RBM5: variants seen among roughly 807,000 people sequenced by gnomAD.
The protein encoded by RBM5 is RNA-binding protein 5.
A neutral mutation model predicts 124.6 loss-of-function variants in RBM5; 15 were observed. The observed-to-expected ratio is 0.12, with a 90% CI of 0.08 to 0.19. The LOEUF is 0.19. Ranked by LOEUF, RBM5 falls within the 10% of genes least tolerant of loss-of-function variation. The pLI, the probability that RBM5 is intolerant of heterozygous loss-of-function variation, is 1.00. For missense variants in RBM5, 580 were observed against 1,026.5 expected (o/e 0.57, Z 5.94); for synonymous variants, 337 against 361.2 (o/e 0.93, Z 0.76).
chr3:50,116,097 GTCATC>G, intron 22 of RBM5, 117 bp downstream of exon 22: 1 of 955,810 alleles, frequency 1.0e-6, no homozygotes, highest in Non-Finnish European at 1.6e-6. Flanking sequence ...TCATACCCTT[GTCATC>G]TGACCATTGT....
intron 20 of RBM5, chr3:50,114,471 TC>T (rs1482364872): frequency 1.9e-6 from 1 of 515,886 alleles, no homozygotes; most frequent in Non-Finnish European, 3.4e-6. Flanking sequence ...ATTCCTAAGC[TC>T]AGTTAATTAA....
chr3:50,093,938 A>G, intron 4 of RBM5, 63 bp downstream of exon 4: 1 of 1,531,768 alleles, frequency 6.5e-7, no homozygotes. Flanking sequence ...AGCTTCTACC[A>G]TTATTTTCTC....
intron 8 of RBM5, chr3:50,104,701 A>T (rs908787420): frequency 4.1e-5 from 11 of 265,564 alleles, no homozygotes; most frequent in Non-Finnish European, 7.2e-5. Flanking sequence ...CCTGAGGAAA[A>T]GTATAGATTT....
At chr3:50,107,647 C>G in intron 12 of RBM5, 78 bp downstream of exon 12, 1 of 589,650 alleles carries the variant, frequency 1.7e-6, no homozygotes, top group South Asian at 1.7e-5. Context: ...TCCTGTGGTA[C>G]TCGCAGTATG....
At chr3:50,098,529 G>A (rs1461488092) in intron 4 of RBM5, among the ~76,000 whole-genome samples, 2 of 151,730 alleles carry the variant, frequency 1.3e-5, no homozygotes, top group African/African-American at 4.8e-5. Context: ...TGCAACCTCC[G>A]CCTCCCGGGG....
At chr3:50,105,215 T>C (rs1286843851) in intron 9 of RBM5, 73 bp downstream of exon 9, 2 of 1,283,340 alleles carry the variant, frequency 1.6e-6, no homozygotes, top group African/African-American at 1.5e-5. Flanking sequence ...GAGACCATCC[T>C]GGCTAACACG....
intron 13 of RBM5, 24 bp downstream of exon 13, chr3:50,108,171 A>C (rs768984040): frequency 6.2e-7 from 1 of 1,603,322 alleles, no homozygotes; most frequent in Non-Finnish European, 8.5e-7. Flanking sequence ...AGCAGCATCC[A>C]CCTTATAGTC....
In RBM5 at chr3:50,110,692, G is replaced by A. The variant is rs776921153; in HGVS notation, c.1377G>A (p.Thr459=). The A allele has an allele frequency of 2.7e-5, 43 of 1,612,738 alleles. No homozygotes were observed. In the African/African-American group the frequency reaches 3.1e-4, roughly 12 times the overall value. The change falls in exon 17 of 25, where the codon ACG becomes ACA. Residue 459 remains threonine (T), a synonymous_variant. Transcript: ENST00000347869. ...TTGTTTTTGCAGCAGTACCTGACAC[G>A]TCCACTTACCAGTATGATGAATCTT... ...VPGTKYAVPD[T]STYQYDESSG...
intron 17 of RBM5, 55 bp from the exon 18 acceptor site, chr3:50,113,327 AT>A: frequency 6.5e-7 from 1 of 1,535,172 alleles, no homozygotes. Flanking sequence ...AAAATATGTA[AT>A]CGACTGACAT....
intron 2 of RBM5, among the ~76,000 whole-genome samples, chr3:50,091,757 A>G (rs2090707084): frequency 6.6e-6 from 1 of 152,254 alleles, no homozygotes; most frequent in African/African-American, 2.4e-5. Context: ...AGGCTTGACA[A>G]AATGCAAAAA....
intron 17 of RBM5, 25 bp downstream of exon 17, chr3:50,110,795 A>G: frequency 1.3e-6 from 2 of 1,554,240 alleles, no homozygotes; most frequent in South Asian, 1.1e-5. Context: ...TTCCTCCTCA[A>G]TTTCACTAGA....
Position 50,100,625 on chromosome 3 carries a change from C to G in RBM5, c.483+20C>G. On this transcript the variant is annotated intron_variant, in intron 6 of 24. Transcript: ENST00000347869. The surrounding 1 kb of genome is among the most constrained non-coding windows in gnomAD (Gnocchi z 5.1). ...AATCAGGTTGCTTCACTCACCAAGT[C>G]TAGATATTCATGAAAATGGAACAAG... 2.6e-6 allele frequency: 4 copies of G among 1,568,330 alleles called. No individual in the cohort carries two copies. The highest frequency in any genetic ancestry group is 3.5e-6 in the Non-Finnish European group (4 of 1,139,180).
At chr3:50,110,989 C>T in intron 17 of RBM5, 1 of 531,160 alleles carries the variant, frequency 1.9e-6, no homozygotes, top group Non-Finnish European at 3.3e-6. Flanking sequence ...AAAAAATACA[C>T]AAAACAGAAA....
intron 17 of RBM5, among the ~76,000 whole-genome samples, chr3:50,112,402 C>T (rs1357226844): frequency 9.2e-5 from 10 of 109,146 alleles, no homozygotes; most frequent in Admixed American, 7.5e-4. Flanking sequence ...GGTGACGGAG[C>T]GAGACTCTGT....
chr3:50,102,184 G>GA (rs2090953213), intron 6 of RBM5: 1 of 150,894 alleles, frequency 6.6e-6, no homozygotes, highest in Non-Finnish European at 1.5e-5. Context: ...CCACCCCCAA[G>GA]AAAAAGAAAA....
chr3:50,111,481 A>G (rs1422018031), intron 17 of RBM5, among the ~76,000 whole-genome samples: 1 of 152,044 alleles, frequency 6.6e-6, no homozygotes, highest in African/African-American at 2.4e-5. Context: ...GGTTCAAGCA[A>G]TGCTCCTGCC....
intron 15 of RBM5, 36 bp from the exon 16 acceptor site, chr3:50,110,343 C>T: frequency 6.3e-7 from 1 of 1,580,764 alleles, no homozygotes; most frequent in Non-Finnish European, 8.7e-7. Context: ...AAAGGCTTTA[C>T]AGTTGAAATT....
At chr3:50,092,629 C>G (rs1433624970) in intron 3 of RBM5, 1 of 359,844 alleles carries the variant, frequency 2.8e-6, no homozygotes, top group African/African-American at 2.1e-5. Context: ...TACTTTTGAG[C>G]ACTTGACTTC....
chr3:50,089,748 T>C (rs2090669238), intron 1 of RBM5: 1 of 152,626 alleles, frequency 6.6e-6, no homozygotes, highest in Non-Finnish European at 1.5e-5. Flanking sequence ...TGATGTCTTA[T>C]TACCAACGGG....
Sources: allele counts gnomAD v4.1 joint callset (sites outside exome capture counted in the v4.1 genomes callset), GRCh38; gene constraint gnomAD v4.1.1; non-coding constraint Gnocchi (gnomAD v3.1); transcripts MANE v1.5; gene names NCBI Gene and HGNC (gene_info 2026-07-23, HGNC 2026-07-21).